CDH13: variants seen among roughly 807,000 people sequenced by gnomAD.
CDH13 encodes cadherin-13.
In CDH13, 24 loss-of-function variants were observed where a neutral mutation model predicts 63.8. The observed-to-expected ratio is 0.38, with a 90% confidence interval of 0.27 to 0.53. The LOEUF is 0.53. Ranked by LOEUF, CDH13 falls within the 20% of genes least tolerant of loss-of-function variation. The pLI is 0.85. For missense variants in CDH13, 1,049 were observed against 903.1 expected (o/e 1.16, Z -2.07); for synonymous variants, 503 against 355.3 (o/e 1.42, Z -4.67).
intron 7 of CDH13, among the ~76,000 whole-genome samples, chr16:83,572,393 G>A (rs527851234): frequency 9.2e-5 from 14 of 151,998 alleles, no homozygotes; most frequent in Non-Finnish European, 1.9e-4. Context: ...TACCCATCTC[G>A]GCCTCACAAA....
At chr16:83,496,988 G>A (rs1222055923) in intron 7 of CDH13, among the ~76,000 whole-genome samples, 6 of 152,128 alleles carry the variant, frequency 3.9e-5, no homozygotes, top group African/African-American at 7.2e-5. Context: ...TTAGAATGGC[G>A]ATCATTCAAA....
At chr16:83,126,820 A>G (rs113709933) in intron 4 of CDH13, among the ~76,000 whole-genome samples, 7 of 152,332 alleles carry the variant, frequency 4.6e-5, no homozygotes, top group African/African-American at 1.7e-4. Flanking sequence ...GCTGGACTCC[A>G]AGCTTTGGAC....
intron 2 of CDH13, among the ~76,000 whole-genome samples, chr16:82,940,879 T>A (rs1185795776): frequency 6.6e-6 from 1 of 152,172 alleles, no homozygotes; most frequent in Non-Finnish European, 1.5e-5. Context: ...AGGGAAACAT[T>A]TATTCAGATA....
At chr16:83,256,818 C>G (rs981826348) in intron 5 of CDH13, among the ~76,000 whole-genome samples, 8 of 141,764 alleles carry the variant, frequency 5.6e-5, no homozygotes, top group Admixed American at 3.0e-4. Flanking sequence ...GCACTCCAGC[C>G]TGGGCGACGG....
chr16:83,776,070 C>G (rs867245769), intron 11 of CDH13, among the ~76,000 whole-genome samples: 29 of 152,244 alleles, frequency 1.9e-4, no homozygotes, highest in Non-Finnish European at 3.1e-4. Context: ...TGAATCTTGT[C>G]TTTAACTCAT....
At chr16:83,557,595 T>C (rs2075629203) in intron 7 of CDH13, among the ~76,000 whole-genome samples, 1 of 152,140 alleles carries the variant, frequency 6.6e-6, no homozygotes, top group South Asian at 2.1e-4. Context: ...AAGTCGGCCA[T>C]CAGGCACTCA....
At chr16:83,005,416 T>A in intron 2 of CDH13, among the ~76,000 whole-genome samples, 1 of 152,174 alleles carries the variant, frequency 6.6e-6, no homozygotes, top group South Asian at 2.1e-4. Flanking sequence ...AGTACCAAGG[T>A]AGGCTTAGCT....
In CDH13 at chr16:83,185,762, A is replaced by G. The variant is rs1175045956; in HGVS notation, c.484-31583A>G. ...ACAGGCACTGTTGTTTGAATTAATT[A>G]CCAGGAACAGAATCATAAGTGGTGA... On this transcript the variant is annotated intron_variant, in intron 4 of 13. Coordinates refer to ENST00000567109, the MANE Select transcript of CDH13 (RefSeq NM_001257.5). 2.0e-5 allele frequency among the ~76,000 whole-genome samples: 3 copies of G among 152,322 alleles called. No individual in the cohort carries two copies. The East Asian group carries it at 5.8e-4, about 29-fold the overall frequency.
chr16:83,010,501 C>T (rs1271991621), intron 2 of CDH13, among the ~76,000 whole-genome samples: 2 of 152,116 alleles, frequency 1.3e-5, no homozygotes, highest in Non-Finnish European at 2.9e-5. Context: ...GATTTATCTC[C>T]TTTTGAGCAC....
chr16:82,865,215 A>T (rs1487896801), intron 2 of CDH13, among the ~76,000 whole-genome samples: 2 of 152,116 alleles, frequency 1.3e-5, no homozygotes, highest in Non-Finnish European at 2.9e-5. Context: ...CTGTCAATGG[A>T]TCTACCATTC....
chr16:83,239,897 A>G (rs1904305808), intron 5 of CDH13, among the ~76,000 whole-genome samples: 2 of 152,088 alleles, frequency 1.3e-5, no homozygotes, highest in African/African-American at 4.8e-5. Context: ...GGTGCATGAT[A>G]TTGTAGTCTA....
intron 11 of CDH13, among the ~76,000 whole-genome samples, chr16:83,765,214 G>A (rs1021928330): frequency 2.0e-5 from 3 of 152,168 alleles, no homozygotes; most frequent in Non-Finnish European, 4.4e-5. Flanking sequence ...TTCCATCCAG[G>A]CAGAGGGTAG....
intron 2 of CDH13, among the ~76,000 whole-genome samples, chr16:82,904,382 T>C (rs1234577307): frequency 6.6e-6 from 1 of 152,198 alleles, no homozygotes; most frequent in Non-Finnish European, 1.5e-5. Context: ...GAGAGATTGA[T>C]ATGATGATTT....
At chr16:82,969,558 C>T (rs1041369670) in intron 2 of CDH13, among the ~76,000 whole-genome samples, 3 of 143,894 alleles carry the variant, frequency 2.1e-5, no homozygotes, top group Non-Finnish European at 4.5e-5. Context: ...CCCATAGTTT[C>T]TCAACCTGGG....
In CDH13 at chr16:83,796,629, C is replaced by G. The variant is rs1427145573; in HGVS notation, c.*1599C>G. The G allele has an allele frequency of 6.6e-6, 1 of 152,042 alleles. No individual in the cohort carries two copies. Among genetic ancestry groups the G allele is most frequent in the Non-Finnish European group, 1.5e-5 (1 of 68,016 alleles). 9.4% of individuals were successfully genotyped at this position (152,042 alleles called of 1,614,324 possible). ...ACAGTAACTGTTCTCTGATTTCTAT[C>G]TTGTGTCCAATGTCACTGATGTTGG... On this transcript the variant is annotated 3_prime_UTR_variant, in exon 14 of 14. Coordinates refer to ENST00000567109, the MANE Select transcript of CDH13 (RefSeq NM_001257.5).
At position 83,309,605 on chromosome 16, in the gene CDH13, G is replaced by A. The variant is rs2089956450; in HGVS notation, c.637-35257G>A. 3.3e-5 allele frequency among the ~76,000 whole-genome samples: 5 copies of A among 151,882 alleles called. No individual in the cohort carries two copies. In the South Asian group the frequency reaches 1.0e-3, roughly 32 times the overall value. ...TTGGTCAGGCTGATCTCGAACTCCT[G>A]ACCTCGTGATCCACCCACCTTGGCC... On this transcript the variant is annotated intron_variant, in intron 5 of 13. Transcript: ENST00000567109.
chr16:83,759,825 G>C (rs1286840145), intron 11 of CDH13, among the ~76,000 whole-genome samples: 1 of 151,928 alleles, frequency 6.6e-6, no homozygotes, highest in Non-Finnish European at 1.5e-5. Flanking sequence ...CTACACAGGA[G>C]GCTGAGGCAG....
intron 8 of CDH13, among the ~76,000 whole-genome samples, chr16:83,662,960 A>T (rs1385479852): frequency 6.6e-6 from 1 of 152,206 alleles, no homozygotes; most frequent in African/African-American, 2.4e-5. Flanking sequence ...TTTGAGTCCC[A>T]GAAAAAAATC....
At chr16:83,630,648 C>G (rs1910694861) in intron 8 of CDH13, among the ~76,000 whole-genome samples, 1 of 152,154 alleles carries the variant, frequency 6.6e-6, no homozygotes, top group African/African-American at 2.4e-5. Flanking sequence ...ATTAGATATG[C>G]ATTTGTCTCA....
Sources: allele counts gnomAD v4.1 joint callset (sites outside exome capture counted in the v4.1 genomes callset), GRCh38; gene constraint gnomAD v4.1.1; transcripts MANE v1.5; gene names NCBI Gene and HGNC (gene_info 2026-07-23, HGNC 2026-07-21).